The following EGFL6 variants were observed in gnomAD, a reference collection of about 807,000 sequenced individuals.
EGFL6 encodes the protein epidermal growth factor-like protein 6.
Under a neutral mutation model 43.1 loss-of-function variants are expected in EGFL6, and 42 were observed. The observed-to-expected ratio is 0.98, with a 90% CI of 0.76 to 1.26. The LOEUF (loss-of-function observed/expected upper bound fraction) is 1.26. EGFL6 is among the 50% of genes most tolerant of loss of function. EGFL6 has a pLI of 0.00. For synonymous variants in EGFL6, 164 were observed against 163.2 expected, an observed-to-expected ratio of 1.01 and a Z score of -0.04; for missense variants, 429 against 427.8, an observed-to-expected ratio of 1.00 and a Z score of -0.02.
At chrX:13,591,459 T>C (rs1377625695) in intron 2 of EGFL6, among the ~76,000 whole-genome samples, 2 of 111,915 alleles carry the variant, frequency 1.8e-5, no homozygotes, top group African/African-American at 6.5e-5. Flanking sequence ...ACTGCTCCAG[T>C]CAAATGTTCA....
At chrX:13,632,451 A>G (rs772732663) in intron 11 of EGFL6, among the ~76,000 whole-genome samples, 71 of 108,140 alleles carry the variant, frequency 6.6e-4, no homozygotes, top group African/African-American at 1.2e-3. Context: ...ACAGGCGCCC[A>G]CCACCACGCC....
chrX:13,620,722 T>C, intron 9 of EGFL6, among the ~76,000 whole-genome samples: 2 of 111,524 alleles, frequency 1.8e-5, no homozygotes, highest in Middle Eastern at 4.6e-3. Flanking sequence ...AAATGTTTCA[T>C]TGTACAGGGG....
chrX:13,621,271 T>C (rs138263084), intron 9 of EGFL6, among the ~76,000 whole-genome samples: 1 of 112,326 alleles, frequency 8.9e-6, no homozygotes, highest in South Asian at 3.7e-4. Context: ...TGTGGGCAAC[T>C]GGAGCTCAAT....
intron 1 of EGFL6, among the ~76,000 whole-genome samples, chrX:13,577,522 T>C (rs935144794): frequency 1.9e-5 from 2 of 106,207 alleles, no homozygotes; most frequent in Non-Finnish European, 3.9e-5. Context: ...AGAAACTGAG[T>C]CCACATGAGA....
At chrX:13,575,926 T>A (rs2045468678) in intron 1 of EGFL6, among the ~76,000 whole-genome samples, 1 of 112,015 alleles carries the variant, frequency 8.9e-6, no homozygotes. Context: ...GTGTGGGTAG[T>A]TGGGCTGATA....
chrX:13,613,831 C>G (rs929265029), intron 7 of EGFL6, among the ~76,000 whole-genome samples: 2 of 111,891 alleles, frequency 1.8e-5, no homozygotes, highest in African/African-American at 6.5e-5. Flanking sequence ...TAAAAATATG[C>G]TGATTGCTTA....
chrX:13,625,548 G>A (rs1313085746), intron 10 of EGFL6, among the ~76,000 whole-genome samples: 1 of 110,376 alleles, frequency 9.1e-6, no homozygotes, highest in East Asian at 2.8e-4. Context: ...GCCGGGCGTG[G>A]TGGTGTGTGC....
At chrX:13,591,147 G>A (rs192833934) in intron 2 of EGFL6, among the ~76,000 whole-genome samples, 177 of 111,963 alleles carry the variant, frequency 1.6e-3, no homozygotes, top group African/African-American at 5.2e-3. Context: ...CAGACTTCTC[G>A]TCATTAAAGC....
rs757578929 is a variant in EGFL6 at position 13,622,548 on chromosome X, A to G, written c.1184-1276A>G. The stretch of plus-strand genomic sequence containing the variant: ...AAAATCAGAGCCAGAGGCTAGCCTT[A>G]GTTATAAATAAAAAATATCTCATTC... On this transcript the variant is annotated intron_variant, in intron 9 of 11. Coordinates refer to ENST00000361306, the MANE Select transcript of EGFL6 (RefSeq NM_015507.4). Among the ~76,000 whole-genome samples, 7 of 112,152 alleles carry G rather than the reference A, an allele frequency of 6.2e-5. No homozygotes were observed. The South Asian group carries it at 1.1e-3, about 18-fold the overall frequency.
intron 2 of EGFL6, among the ~76,000 whole-genome samples, chrX:13,593,045 G>C (rs1344523086): frequency 9.2e-6 from 1 of 108,131 alleles, no homozygotes; most frequent in Non-Finnish European, 1.9e-5. Context: ...CTCCCAAGTA[G>C]CTAGGATTAC....
In EGFL6 at chrX:13,617,762, A is replaced by C; in HGVS notation, c.811A>C (p.Arg271=). The change falls in exon 8 of 12, where the codon AGA becomes CGA. Residue 271 remains arginine (R), a synonymous_variant. Coordinates refer to ENST00000361306, the MANE Select transcript of EGFL6 (RefSeq NM_015507.4). Reference sequence around the variant, plus strand: ...TGAAAATTCTGTGAAGGAAGTCCTCAGAGCACCTGGTACCATCAAAGACAG... The same window carrying C: ...TGAAAATTCTGTGAAGGAAGTCCTCCGAGCACCTGGTACCATCAAAGACAG... ...IPENSVKEVL[R]APGTIKDRIK... 8.3e-7 allele frequency: 1 copy of C among 1,209,385 alleles called. No individual in the cohort carries two copies.
intron 3 of EGFL6, chrX:13,596,640 A>G (rs2045598942): frequency 9.0e-6 from 1 of 111,428 alleles, no homozygotes; most frequent in Non-Finnish European, 1.9e-5. Flanking sequence ...CCTCAAAGCA[A>G]TCCTCTCGCC....
chrX:13,596,758 G>A (rs2045599819), intron 3 of EGFL6, among the ~76,000 whole-genome samples: 1 of 111,834 alleles, frequency 8.9e-6, no homozygotes, highest in African/African-American at 3.3e-5. Flanking sequence ...AGTGTCTGAG[G>A]ACATTTGGAG....
At chrX:13,604,188 A>C (rs931157519) in intron 5 of EGFL6, among the ~76,000 whole-genome samples, 1 of 111,430 alleles carries the variant, frequency 9.0e-6, no homozygotes, top group African/African-American at 3.3e-5. Flanking sequence ...TCATTCACTA[A>C]GGAATAAAAT....
At chrX:13,583,801 C>T (rs2045520484) in intron 1 of EGFL6, among the ~76,000 whole-genome samples, 1 of 111,656 alleles carries the variant, frequency 9.0e-6, no homozygotes, top group African/African-American at 3.3e-5. Context: ...CTGCAGGGAG[C>T]ATAATTGACC....
intron 2 of EGFL6, among the ~76,000 whole-genome samples, chrX:13,590,858 T>C (rs1248162182): frequency 8.9e-6 from 1 of 111,876 alleles, no homozygotes; most frequent in Non-Finnish European, 1.9e-5. Flanking sequence ...AATATCCTCC[T>C]GGGACTTGTG....
rs374239738 is a variant in EGFL6 at position 13,617,679 on chromosome X, G to A, written c.779-51G>A. 8 of 1,052,840 alleles carry A rather than the reference G, an allele frequency of 7.6e-6. No homozygotes were observed. In the African/African-American group the frequency reaches 1.5e-4, roughly 20 times the overall value. The allele number at this position is 1,052,840 out of a possible 1,213,427, so 86.8% of individuals were successfully genotyped here. ...ACTTTTTAAATGCTCCATTTTGTGAGTAATTTAATTATCTTCCAATTTGGA... is the reference window on the plus strand; with the variant it reads ...ACTTTTTAAATGCTCCATTTTGTGAATAATTTAATTATCTTCCAATTTGGA... On this transcript the variant is annotated intron_variant, in intron 7 of 11. Coordinates refer to ENST00000361306, the MANE Select transcript of EGFL6 (RefSeq NM_015507.4).
intron 9 of EGFL6, among the ~76,000 whole-genome samples, chrX:13,620,222 A>T (rs1484401256): frequency 1.8e-5 from 2 of 111,660 alleles, no homozygotes; most frequent in Non-Finnish European, 3.8e-5. Context: ...ACTCATGACA[A>T]ATTACACAGA....
intron 9 of EGFL6, 99 bp from the exon 10 acceptor site, chrX:13,623,725 G>A (rs1373952458): frequency 1.0e-5 from 6 of 601,804 alleles, no homozygotes; most frequent in Non-Finnish European, 1.6e-5. Context: ...TCTGTACTCT[G>A]TGCGACTGAA....
Sources: allele counts gnomAD v4.1 joint callset (sites outside exome capture counted in the v4.1 genomes callset), GRCh38; gene constraint gnomAD v4.1.1; transcripts MANE v1.5; gene names NCBI Gene and HGNC (gene_info 2026-07-23, HGNC 2026-07-21).